The following SPECC1L variants were observed in gnomAD, a reference collection of about 807,000 sequenced individuals.
The protein encoded by SPECC1L is cytospin-A.
In SPECC1L, 40 loss-of-function variants were observed where a neutral mutation model predicts 116.8. That is an observed-to-expected ratio of 0.34 (90% CI 0.27 to 0.45). SPECC1L has a LOEUF of 0.45. Ranked by LOEUF, SPECC1L falls within the 20% of genes least tolerant of loss-of-function variation. The pLI, the probability that SPECC1L is intolerant of heterozygous loss-of-function variation, is 1.00. For missense variants in SPECC1L, 1,110 were observed against 1,373.6 expected (o/e 0.81, Z 3.03); for synonymous variants, 504 against 500.6 (o/e 1.01, Z -0.09).
rs189446992 is a variant in SPECC1L, at chr22:24,405,177, A to G, written c.3088-6411A>G. On this transcript the variant is annotated intron_variant, in intron 14 of 16. Coordinates refer to ENST00000314328, the MANE Select transcript of SPECC1L (RefSeq NM_015330.6). Reference sequence around the variant, plus strand: ...CAAGTTATTGTAGAGCATGCTTCCTACCGTTGTGTTTTGAGTGAGAACTTC... The same window carrying G: ...CAAGTTATTGTAGAGCATGCTTCCTGCCGTTGTGTTTTGAGTGAGAACTTC... Among the ~76,000 whole-genome samples the G allele has an allele frequency of 2.0e-3, 305 of 152,146 alleles. 4 individuals carry two copies. The highest frequency in any genetic ancestry group is 3.3e-3 in the Non-Finnish European group (227 of 67,972).
At chr22:24,369,444 A>G (rs1167315774) in intron 14 of SPECC1L, 124 bp downstream of exon 14, 7 of 761,442 alleles carry the variant, frequency 9.2e-6, no homozygotes, top group African/African-American at 3.4e-5. Flanking sequence ...GATCACACCT[A>G]TAATCCTAAC....
chr22:24,403,075 A>C (rs960378105), intron 14 of SPECC1L, among the ~76,000 whole-genome samples: 28 of 152,274 alleles, frequency 1.8e-4, no homozygotes, highest in African/African-American at 6.0e-4. Flanking sequence ...TGAGGGTAGA[A>C]AGGACAGCAA....
intron 5 of SPECC1L, 164 bp downstream of exon 5, chr22:24,323,082 G>C (rs2040752523): frequency 2.0e-6 from 2 of 983,386 alleles, no homozygotes; most frequent in Non-Finnish European, 1.2e-6. Context: ...TTGGAATAGT[G>C]TGAAAAGTAT....
rs12169982 is a variant in SPECC1L at position 24,390,879 on chromosome 22, T to C, written c.3088-20709T>C. On this transcript the variant is annotated intron_variant, in intron 14 of 16. Transcript: ENST00000314328. The stretch of plus-strand genomic sequence containing the variant: ...TTTTTTTTTTTTTCTTTTCTTTTTT[T>C]TTTTTTTTTTTTTTTTTTTGAGTCA... 1.7e-3 allele frequency among the ~76,000 whole-genome samples: 202 copies of C among 116,934 alleles called. 2 individuals are homozygous for C. The highest frequency in any genetic ancestry group is 5.9e-3 in the African/African-American group (177 of 30,066). 76.7% of individuals were successfully genotyped at this position (116,934 alleles called of 152,430 possible).
intron 14 of SPECC1L, among the ~76,000 whole-genome samples, chr22:24,381,206 A>G (rs543795406): frequency 6.6e-6 from 1 of 152,342 alleles, no homozygotes; most frequent in Admixed American, 6.5e-5. Context: ...CCCTAACTGA[A>G]TGTAATCAGG....
intron 2 of SPECC1L, among the ~76,000 whole-genome samples, chr22:24,281,927 C>T (rs1327570008): frequency 6.6e-6 from 1 of 152,216 alleles, no homozygotes; most frequent in Middle Eastern, 3.2e-3. Context: ...CAGGCAGAGC[C>T]TGCTGGGTGG....
Position 24,324,125 on chromosome 22 carries a change from T to TTA in SPECC1L, c.1939-94_1939-93dup. ...TTAGTTTATCCATAGTGCCTCATAC[T>TTA]TAGCTCCCCTTGGAAACTGTGTGTA... is the stretch of plus-strand genomic sequence containing the variant. On this transcript the variant is annotated intron_variant, in intron 5 of 16. Transcript: ENST00000314328. The TTA allele has an allele frequency of 2.9e-6, 3 of 1,019,556 alleles. No individual in the cohort carries two copies. The Admixed American group carries it at 5.2e-5, about 18-fold the overall frequency. The allele number at this position is 1,019,556 out of a possible 1,614,324, so 63.2% of individuals were successfully genotyped here.
intron 1 of SPECC1L, among the ~76,000 whole-genome samples, chr22:24,271,445 C>T (rs2048725226): frequency 1.3e-5 from 2 of 152,256 alleles, no homozygotes; most frequent in Non-Finnish European, 2.9e-5. Flanking sequence ...CCACAGGCGG[C>T]GGACCCCGGG....
At chr22:24,319,310 A>G (rs771888955) in intron 4 of SPECC1L, among the ~76,000 whole-genome samples, 10 of 152,250 alleles carry the variant, frequency 6.6e-5, no homozygotes, top group Admixed American at 3.9e-4. Flanking sequence ...ACATAGTGGC[A>G]GGAAGGAGGA....
At chr22:24,413,550 C>T (rs1432216306) in intron 16 of SPECC1L, among the ~76,000 whole-genome samples, 1 of 152,172 alleles carries the variant, frequency 6.6e-6, no homozygotes, top group Non-Finnish European at 1.5e-5. Context: ...AGTGTTTACG[C>T]CCATGTTCAC....
chr22:24,412,752 G>A, intron 16 of SPECC1L, 45 bp downstream of exon 16: 3 of 1,595,682 alleles, frequency 1.9e-6, no homozygotes, highest in South Asian at 1.1e-5. Flanking sequence ...CCTCCTTCTG[G>A]TTAAGAAGAG....
intron 8 of SPECC1L, among the ~76,000 whole-genome samples, chr22:24,332,737 A>G (rs952762735): frequency 2.0e-5 from 3 of 151,628 alleles, no homozygotes; most frequent in South Asian, 2.1e-4. Flanking sequence ...AAACTTAGTT[A>G]TTTTTCATAA....
chr22:24,302,953 A>T (rs142425117), intron 3 of SPECC1L, among the ~76,000 whole-genome samples: 1 of 152,096 alleles, frequency 6.6e-6, no homozygotes, highest in South Asian at 2.1e-4. Flanking sequence ...GATGATGATT[A>T]TACCATTTTT....
At chr22:24,353,527 C>T (rs750841281) in intron 11 of SPECC1L, among the ~76,000 whole-genome samples, 3 of 152,006 alleles carry the variant, frequency 2.0e-5, no homozygotes, top group Non-Finnish European at 2.9e-5. Context: ...GCTTTAGCCT[C>T]CCGAGTAGCT....
chr22:24,367,210 T>C (rs1395891317), intron 13 of SPECC1L, among the ~76,000 whole-genome samples: 6 of 152,160 alleles, frequency 3.9e-5, no homozygotes, highest in African/African-American at 1.2e-4. Context: ...GTGACTTTTA[T>C]GTTGAGCCGT....
chr22:24,334,282 G>C, intron 8 of SPECC1L, 128 bp from the exon 9 acceptor site: 1 of 897,212 alleles, frequency 1.1e-6, no homozygotes, highest in Non-Finnish European at 1.8e-6. Flanking sequence ...AAAGTGCTGG[G>C]ATTACAGGTG....
rs1238656917 is a variant in SPECC1L at position 24,321,711 on chromosome 22, T to C, written c.731T>C (p.Leu244Ser). 6.2e-7 allele frequency: 1 copy of C among 1,614,264 alleles called. No individual in the cohort carries two copies. Among genetic ancestry groups the C allele is most frequent in the Non-Finnish European group, 8.5e-7 (1 of 1,180,052 alleles). Residue 244 changes from leucine (L) to serine (S), a missense_variant, in exon 5 of 17, where the codon TTG becomes TCG. Physicochemically the swap from Leu to Ser is moderately radical, Grantham distance 145 (BLOSUM62 -2). Transcript: ENST00000314328. ...CCGACTGATGTGGAGTCCACTTTAT[T>C]GCAGTTGCAGGAACAGAATACTGCC... is the stretch of plus-strand genomic sequence containing the variant. Reference protein sequence around the residue: ...HQPTDVESTLLQLQEQNTAIR... With the variant: ...HQPTDVESTLSQLQEQNTAIR...
At chr22:24,316,863 A>G (rs2040581938) in intron 4 of SPECC1L, among the ~76,000 whole-genome samples, 2 of 132,366 alleles carry the variant, frequency 1.5e-5, no homozygotes, top group South Asian at 5.0e-4. Context: ...GGCCGGGCAG[A>G]GGCGCCCCTC....
rs764411715 is a variant in SPECC1L at position 24,321,860 on chromosome 22, C to T, written c.880C>T (p.Leu294=). 12 of 1,614,216 alleles carry T rather than the reference C, an allele frequency of 7.4e-6. No individual in the cohort carries two copies. In the East Asian group the frequency reaches 2.7e-4, roughly 36 times the overall value. ...NSEKLFGYQS[L]SPEITPGNQS... The stretch of plus-strand genomic sequence containing the variant: ...TGAAAAACTGTTTGGCTATCAGTCC[C>T]TGAGCCCAGAAATCACCCCTGGTAA... The change falls in exon 5 of 17, where the codon CTG becomes TTG. Residue 294 remains leucine (L), a synonymous_variant. Coordinates refer to ENST00000314328, the MANE Select transcript of SPECC1L (RefSeq NM_015330.6).
Sources: allele counts gnomAD v4.1 joint callset (sites outside exome capture counted in the v4.1 genomes callset), GRCh38; gene constraint gnomAD v4.1.1; transcripts MANE v1.5; gene names NCBI Gene and HGNC (gene_info 2026-07-23, HGNC 2026-07-21).